The following UPF2 variants were observed in gnomAD, a reference collection of about 807,000 sequenced individuals.
UPF2 encodes the protein regulator of nonsense transcripts 2.
In UPF2, 17 loss-of-function variants were observed where a neutral mutation model predicts 141.4. The ratio of observed to expected loss-of-function variants is 0.12; its 90% CI spans 0.08 to 0.18. The LOEUF (loss-of-function observed/expected upper bound fraction) is 0.18, where lower values mean the gene tolerates loss of function less well. Ranked by LOEUF, UPF2 falls within the 10% of genes least tolerant of loss-of-function variation. UPF2 has a pLI of 1.00. For missense variants in UPF2, 1,152 were observed against 1,515.9 expected (o/e 0.76, Z 3.99); for synonymous variants, 540 against 498.0 (o/e 1.08, Z -1.12).
At position 11,927,668 on chromosome 10, in the gene UPF2, G is replaced by A. The variant is rs143136174; in HGVS notation, c.3809+2197C>T. Reference sequence around the variant, plus strand: ...ATTAAAAATAACCTAATATCTTATTGTGCCTAATTAGATGGGTTTACAGGT... The same window carrying A: ...ATTAAAAATAACCTAATATCTTATTATGCCTAATTAGATGGGTTTACAGGT... On this transcript the variant is annotated intron_variant, in intron 21 of 21. Transcript: ENST00000357604. Among the ~76,000 whole-genome samples, 242 of 152,134 alleles carry A rather than the reference G, an allele frequency of 1.6e-3. 1 individual carries two copies. The highest frequency in any genetic ancestry group is 5.4e-3 in the African/African-American group (224 of 41,504).
chr10:11,921,019 C>T lies in UPF2; in HGVS notation c.*279G>A, dbSNP rs751780952. On this transcript the variant is annotated 3_prime_UTR_variant, in exon 22 of 22. Transcript: ENST00000357604. The surrounding 1 kb of genome is among the most constrained non-coding windows in gnomAD (Gnocchi z 5.9). The stretch of plus-strand genomic sequence containing the variant: ...TGTAACTGCTCAGTAGTCAAGTGAA[C>T]CATCTCATTTCTTGACTGCCATTCT... 8.9e-6 allele frequency: 6 copies of T among 674,736 alleles called. No individual in the cohort carries two copies. Among genetic ancestry groups the T allele is most frequent in the Non-Finnish European group, 1.4e-5 (5 of 351,482 alleles). The allele number at this position is 674,736 out of a possible 1,614,324, so 41.8% of individuals were successfully genotyped here.
At chr10:12,015,318 C>G (rs1178684125) in intron 3 of UPF2, among the ~76,000 whole-genome samples, 1 of 152,182 alleles carries the variant, frequency 6.6e-6, no homozygotes, top group Non-Finnish European at 1.5e-5. Context: ...AAAAATAATG[C>G]CTATACTTAT....
intron 16 of UPF2, among the ~76,000 whole-genome samples, chr10:11,944,436 G>T (rs982431071): frequency 5.9e-5 from 9 of 152,212 alleles, no homozygotes; most frequent in Non-Finnish European, 8.8e-5. Flanking sequence ...AGAGGTTGCA[G>T]TGAGCCAAGG....
chr10:12,029,092 C>T lies in UPF2; in HGVS notation c.798G>A (p.Leu266=). Residue 266 remains leucine, a synonymous_variant, in exon 3 of 22, where the codon TTG becomes TTA. Coordinates refer to ENST00000357604, the MANE Select transcript of UPF2 (RefSeq NM_015542.4). ...TPNITKLRTD[L]RFIAELTIVG... ...CTATTGTCAATTCTGCAATAAAACG[C>T]AAATCAGTTCTTAACTTGGTGATGT... 1 of 1,614,186 alleles carries T rather than the reference C, an allele frequency of 6.2e-7. No homozygotes were observed. Among genetic ancestry groups the T allele is most frequent in the Non-Finnish European group, 8.5e-7 (1 of 1,180,044 alleles).
rs532041219 is a variant in UPF2, at chr10:11,991,610, C to A, written c.1844+6062G>T. Among the ~76,000 whole-genome samples the A allele has an allele frequency of 2.0e-5, 3 of 151,352 alleles. No homozygotes were observed. The South Asian group carries it at 6.3e-4, about 32-fold the overall frequency. Reference sequence around the variant, plus strand: ...TTATTTGGGCAGCCATTTAAATGACCAAGTTAATTTTAAGAGAGGAAAAAA... The same window carrying A: ...TTATTTGGGCAGCCATTTAAATGACAAAGTTAATTTTAAGAGAGGAAAAAA... On this transcript the variant is annotated intron_variant, in intron 8 of 21. Transcript: ENST00000357604.
rs1741735236 is a variant in UPF2 at position 12,016,040 on chromosome 10, A to G, written c.1146-1856T>C. 6.6e-6 allele frequency among the ~76,000 whole-genome samples: 1 copy of G among 152,170 alleles called. No homozygotes were observed. The highest frequency in any genetic ancestry group is 2.4e-5 in the African/African-American group (1 of 41,442). ...GTTTCAGACTACTGTTACAAACACAAACAAAATTTTTTCAGTAATTTTGTG... is the reference window on the plus strand; with the variant it reads ...GTTTCAGACTACTGTTACAAACACAGACAAAATTTTTTCAGTAATTTTGTG... On this transcript the variant is annotated intron_variant, in intron 3 of 21. Transcript: ENST00000357604. The surrounding 1 kb of genome is among the most constrained non-coding windows in gnomAD (Gnocchi z 4.1).
At position 12,028,924 on chromosome 10, in the gene UPF2, A is replaced by G; in HGVS notation, c.966T>C (p.Leu322=). The G allele has an allele frequency of 1.2e-6, 2 of 1,614,184 alleles. No homozygotes were observed. Among genetic ancestry groups the G allele is most frequent in the Non-Finnish European group, 1.7e-6 (2 of 1,180,036 alleles). The part of the protein sequence containing the change: ...CRHCGDDIAG[L]VPRKVKSAAE... The stretch of plus-strand genomic sequence containing the variant: ...CAGCACTCTTTACTTTCCTTGGTAC[A>G]AGTCCAGCAATATCATCTCCACAAT... The change falls in exon 3 of 22, where the codon CTT becomes CTC. Residue 322 remains leucine, a synonymous_variant. Coordinates refer to ENST00000357604, the MANE Select transcript of UPF2 (RefSeq NM_015542.4).
rs1382619298 is a variant in UPF2 at position 12,025,680 on chromosome 10, G to A, written c.1145+3065C>T. Among the ~76,000 whole-genome samples the A allele has an allele frequency of 2.0e-5, 3 of 152,098 alleles. No individual in the cohort carries two copies. The East Asian group carries it at 5.8e-4, about 29-fold the overall frequency. On this transcript the variant is annotated intron_variant, in intron 3 of 21. Coordinates refer to ENST00000357604, the MANE Select transcript of UPF2 (RefSeq NM_015542.4). The stretch of plus-strand genomic sequence containing the variant: ...GTAACAAATGGATAAAAGTTTCTAA[G>A]GAAAAGCCACAAAGCTGTATTCTTA...
intron 2 of UPF2, among the ~76,000 whole-genome samples, chr10:12,029,812 A>G (rs1834483832): frequency 6.6e-6 from 1 of 151,994 alleles, no homozygotes; most frequent in Non-Finnish European, 1.5e-5. Context: ...AAATACAAAA[A>G]TTAGCTGGGC....
rs1480080917 is a variant in UPF2 at position 11,980,643 on chromosome 10, G to A, written c.1845-1478C>T. On this transcript the variant is annotated intron_variant, in intron 8 of 21. Transcript: ENST00000357604. This position sits in a 1 kb window ranked among gnomAD's most constrained non-coding sequence, Gnocchi z 4.2. ...AGCTACTCGGGAGACTGAGGCAGGA[G>A]AATCACTTGAACCCAGGAGGCAGAG... is the stretch of plus-strand genomic sequence containing the variant. Among the ~76,000 whole-genome samples the A allele has an allele frequency of 6.6e-6, 1 of 152,100 alleles. No homozygotes were observed. The highest frequency in any genetic ancestry group is 1.5e-5 in the Non-Finnish European group (1 of 68,022).
At chr10:12,006,472 T>C (rs557819832) in intron 4 of UPF2, among the ~76,000 whole-genome samples, 1 of 152,200 alleles carries the variant, frequency 6.6e-6, no homozygotes, top group Non-Finnish European at 1.5e-5. Flanking sequence ...ATTCATTAAA[T>C]GTGATTTATG....
intron 16 of UPF2, among the ~76,000 whole-genome samples, chr10:11,943,519 T>C (rs1832963064): frequency 6.6e-6 from 1 of 152,136 alleles, no homozygotes; most frequent in Admixed American, 6.5e-5. Flanking sequence ...TTAATACCCA[T>C]CTAACTGCAA....
At chr10:11,964,969 T>C (rs1318512477) in intron 10 of UPF2, among the ~76,000 whole-genome samples, 1 of 152,238 alleles carries the variant, frequency 6.6e-6, no homozygotes, top group Non-Finnish European at 1.5e-5. Flanking sequence ...TTATACAGTA[T>C]ATATTTTATA....
intron 4 of UPF2, among the ~76,000 whole-genome samples, chr10:12,005,108 A>T (rs1834014469): frequency 6.9e-6 from 1 of 145,462 alleles, no homozygotes; most frequent in African/African-American, 2.5e-5. Flanking sequence ...CCCCATGAGT[A>T]TTTTTTTTTT....
chr10:11,950,213 A>G lies in UPF2; in HGVS notation c.3035-1705T>C, dbSNP rs1409708083. On this transcript the variant is annotated intron_variant, in intron 15 of 21. Coordinates refer to ENST00000357604, the MANE Select transcript of UPF2 (RefSeq NM_015542.4). ...TATTAAAAGTTATTTTTAAAATATG[A>G]TAAAAATGGTTTTAGTGTTTTCCAA... is the stretch of plus-strand genomic sequence containing the variant. 3.3e-5 allele frequency among the ~76,000 whole-genome samples: 5 copies of G among 152,206 alleles called. No individual in the cohort carries two copies. The East Asian group carries it at 9.6e-4, about 29-fold the overall frequency.
At chr10:11,938,859 T>TTTTG (rs1554774690) in intron 18 of UPF2, among the ~76,000 whole-genome samples, 101 of 70,798 alleles carry the variant, frequency 1.4e-3, no homozygotes, top group African/African-American at 5.8e-3. Context: ...TTTTGTTTTT[T>TTTTG]TTTTTTTTTT....
chr10:11,922,249 T>C (rs548865642), intron 21 of UPF2, among the ~76,000 whole-genome samples: 2 of 152,172 alleles, frequency 1.3e-5, no homozygotes, highest in Non-Finnish European at 2.9e-5. Context: ...ACAACAGACA[T>C]CTGTCGTTTA....
rs1221827891 is a variant in UPF2, at chr10:12,005,909, TCA to T, written c.1307-1184_1307-1183del. Among the ~76,000 whole-genome samples the T allele has an allele frequency of 2.0e-5, 3 of 151,544 alleles. No individual in the cohort carries two copies. The East Asian group carries it at 5.9e-4, about 30-fold the overall frequency. ...TATTTTTTTGAATTGAGACAGGGTC[TCA>T]CTCTGCTGCCAAGGCTGGCGTGCAG... On this transcript the variant is annotated intron_variant, in intron 4 of 21. Coordinates refer to ENST00000357604, the MANE Select transcript of UPF2 (RefSeq NM_015542.4).
intron 3 of UPF2, among the ~76,000 whole-genome samples, chr10:12,021,560 TA>T (rs1316062653): frequency 2.6e-5 from 4 of 152,022 alleles, no homozygotes; most frequent in African/African-American, 9.7e-5. Context: ...TATGTTAATG[TA>T]AAATGATATT....
Sources: gnomAD v4.1 joint callset for allele counts (sites outside exome capture counted in the v4.1 genomes callset) on GRCh38, gnomAD v4.1.1 for gene constraint, Gnocchi (gnomAD v3.1) non-coding constraint, MANE v1.5 for transcripts, NCBI Gene and HGNC (gene_info 2026-07-23, HGNC 2026-07-21) for gene names.